ADCY9: variants seen among roughly 807,000 people sequenced by gnomAD.
ADCY9 encodes adenylate cyclase 9.
In ADCY9, 50 loss-of-function variants were observed where a neutral mutation model predicts 101.5. The observed-to-expected ratio is 0.49, with a 90% CI of 0.39 to 0.62. The LOEUF (loss-of-function observed/expected upper bound fraction) is 0.62, where lower values mean the gene tolerates loss of function less well. ADCY9 is among the 20% of genes least tolerant of loss of function. The pLI is 0.00. For synonymous variants in ADCY9, 905 were observed against 769.3 expected, an observed-to-expected ratio of 1.18 and a Z score of -2.92; for missense variants, 1,662 against 1,800.4, an observed-to-expected ratio of 0.92 and a Z score of 1.39.
chr16:4,042,474 T>G (rs2056634200), intron 2 of ADCY9, among the ~76,000 whole-genome samples: 2 of 152,216 alleles, frequency 1.3e-5, no homozygotes, highest in African/African-American at 4.8e-5. Context: ...GCATTTTTAT[T>G]TCCTTCTGAA....
chr16:4,026,952 G>T (rs1326571287), intron 2 of ADCY9, among the ~76,000 whole-genome samples: 1 of 152,174 alleles, frequency 6.6e-6, no homozygotes, highest in Admixed American at 6.5e-5. Flanking sequence ...CCTCGTGGCA[G>T]ATGAAAAATG....
At chr16:4,082,563 C>CA (rs2056910254) in intron 2 of ADCY9, among the ~76,000 whole-genome samples, 1 of 152,118 alleles carries the variant, frequency 6.6e-6, no homozygotes, top group Non-Finnish European at 1.5e-5. Flanking sequence ...GAGATGCACA[C>CA]ACGCACACAC....
chr16:4,044,911 G>T (rs1309820998), intron 2 of ADCY9, among the ~76,000 whole-genome samples: 1 of 152,280 alleles, frequency 6.6e-6, no homozygotes, highest in East Asian at 1.9e-4. Flanking sequence ...CGGCCTCACA[G>T]CAACGGGCTC....
chr16:4,108,477 G>C (rs192014099), intron 2 of ADCY9, among the ~76,000 whole-genome samples: 1 of 133,880 alleles, frequency 7.5e-6, no homozygotes, highest in Non-Finnish European at 1.5e-5. Flanking sequence ...GGGTTCGAAC[G>C]ATTCTCCTGC....
chr16:4,099,529 T>C (rs1428622287), intron 2 of ADCY9, among the ~76,000 whole-genome samples: 2 of 152,152 alleles, frequency 1.3e-5, no homozygotes, highest in Non-Finnish European at 2.9e-5. Context: ...ATACCTATAA[T>C]TTCTCAACTC....
chr16:4,003,818 C>CCGCCTCCCCTCCGT (rs1567433270), intron 3 of ADCY9, among the ~76,000 whole-genome samples: 1 of 152,068 alleles, frequency 6.6e-6, no homozygotes, highest in Non-Finnish European at 1.5e-5. Flanking sequence ...CTCCCCTCCG[C>CCGCCTCCCCTCCGT]GACGCTGACA....
chr16:4,075,323 G>A (rs1223870247), intron 2 of ADCY9, among the ~76,000 whole-genome samples: 1 of 152,172 alleles, frequency 6.6e-6, no homozygotes, highest in Non-Finnish European at 1.5e-5. Context: ...ATTTTTAGTA[G>A]AGATGGGGTT....
chr16:4,022,976 G>A (rs998520594), intron 2 of ADCY9, among the ~76,000 whole-genome samples: 2 of 152,112 alleles, frequency 1.3e-5, no homozygotes, highest in African/African-American at 4.8e-5. Context: ...GTAGTACCTG[G>A]GGGAAGGCGC....
intron 3 of ADCY9, among the ~76,000 whole-genome samples, chr16:3,997,720 C>T (rs1304862833): frequency 6.6e-6 from 1 of 152,198 alleles, no homozygotes; most frequent in African/African-American, 2.4e-5. Context: ...CAGGTGCAGA[C>T]TCCAGGCCGC....
intron 2 of ADCY9, among the ~76,000 whole-genome samples, chr16:4,010,953 A>G (rs1444303957): frequency 6.6e-6 from 1 of 152,092 alleles, no homozygotes; most frequent in Non-Finnish European, 1.5e-5. Flanking sequence ...CTCCCCAGAC[A>G]CCTGAACCTG....
intron 2 of ADCY9, among the ~76,000 whole-genome samples, chr16:4,018,712 G>T (rs546921314): frequency 3.9e-5 from 6 of 152,214 alleles, no homozygotes; most frequent in African/African-American, 1.2e-4. Context: ...TCTCTCTTTT[G>T]AAGAGTATTT....
At chr16:3,997,254 C>A (rs1311649777) in intron 3 of ADCY9, among the ~76,000 whole-genome samples, 5 of 152,354 alleles carry the variant, frequency 3.3e-5, no homozygotes, top group African/African-American at 1.2e-4. Flanking sequence ...GCATTTAGAG[C>A]CATGAATGTG....
intron 2 of ADCY9, among the ~76,000 whole-genome samples, chr16:4,016,337 GAA>G (rs2056438470): frequency 6.6e-6 from 1 of 152,214 alleles, no homozygotes; most frequent in Admixed American, 6.5e-5. Context: ...GAGAGCTGGG[GAA>G]AGATACCAGA....
chr16:3,979,324 C>T (rs2056120850), intron 7 of ADCY9, 49 bp from the exon 8 acceptor site: 2 of 1,602,948 alleles, frequency 1.2e-6, no homozygotes, highest in East Asian at 2.2e-5. Flanking sequence ...CGGGGTGGGT[C>T]ATCGGCCAGG....
intron 2 of ADCY9, among the ~76,000 whole-genome samples, chr16:4,011,133 C>T (rs993227500): frequency 2.0e-5 from 3 of 152,116 alleles, no homozygotes; most frequent in Admixed American, 6.5e-5. Flanking sequence ...GAGGTCAGCC[C>T]GGCAATAGCA....
At chr16:3,962,192 CTT>C (rs1157380467), downstream of ADCY9, among the ~76,000 whole-genome samples, 1 of 152,164 alleles carries the variant, frequency 6.6e-6, no homozygotes, top group Admixed American at 6.6e-5. Flanking sequence ...GGCTCTATGA[CTT>C]TAAACAGATT....
In ADCY9 at chr16:3,992,639, C is replaced by T. The variant is rs748696081; in HGVS notation, c.1990-276G>A. ...CATTGAGACATGGGAAGAGTCGGTG[C>T]GGAGGTGGAGGGGAAGGGAGGAAAG... On this transcript the variant is annotated intron_variant, in intron 4 of 10. Coordinates refer to ENST00000294016, the MANE Select transcript of ADCY9 (RefSeq NM_001116.4). This position sits in a 1 kb window ranked among gnomAD's most constrained non-coding sequence, Gnocchi z 4.2. 5.3e-5 allele frequency among the ~76,000 whole-genome samples: 8 copies of T among 151,904 alleles called. No individual in the cohort carries two copies. Among genetic ancestry groups the T allele is most frequent in the Non-Finnish European group, 1.0e-4 (7 of 67,964 alleles).
intron 2 of ADCY9, among the ~76,000 whole-genome samples, chr16:4,041,919 G>GTTTTT (rs750737772): frequency 1.8e-4 from 18 of 100,664 alleles, no homozygotes; most frequent in East Asian, 3.0e-4. Context: ...CCCCAGCTAA[G>GTTTTT]TTTTTTTTTT....
chr16:4,035,883 C>G (rs1421657766), intron 2 of ADCY9, among the ~76,000 whole-genome samples: 2 of 150,666 alleles, frequency 1.3e-5, no homozygotes, highest in Non-Finnish European at 2.9e-5. Context: ...ATTGTAATCC[C>G]AGCTACTTGG....
Sources: gnomAD v4.1 joint callset for allele counts (sites outside exome capture counted in the v4.1 genomes callset) on GRCh38, gnomAD v4.1.1 for gene constraint, Gnocchi (gnomAD v3.1) non-coding constraint, MANE v1.5 for transcripts, NCBI Gene and HGNC (gene_info 2026-07-23, HGNC 2026-07-21) for gene names.